Variants in SYT16 observed in about 807,000 individuals in gnomAD.
SYT16 encodes synaptotagmin-16.
Under a neutral mutation model 61.4 loss-of-function variants are expected in SYT16, and 42 were observed. The ratio of observed to expected loss-of-function variants is 0.68; its 90% confidence interval spans 0.53 to 0.89. The LOEUF (loss-of-function observed/expected upper bound fraction) is 0.89, where lower values mean the gene tolerates loss of function less well. Ranked by LOEUF, SYT16 falls within the 40% of genes least tolerant of loss-of-function variation. The pLI is 0.00. For synonymous variants in SYT16, 314 were observed against 302.3 expected, an observed-to-expected ratio of 1.04 and a Z score of -0.40; for missense variants, 804 against 807.3, an observed-to-expected ratio of 1.00 and a Z score of 0.05.
intron 3 of SYT16, among the ~76,000 whole-genome samples, chr14:62,031,904 A>G (rs1350341827): frequency 1.7e-4 from 26 of 152,148 alleles, no homozygotes; most frequent in Non-Finnish European, 1.5e-4. Context: ...GGGAGGGCCT[A>G]TACAGAGACG....
intron 1 of SYT16, among the ~76,000 whole-genome samples, chr14:61,936,946 C>T (rs1261989507): frequency 1.3e-5 from 2 of 152,220 alleles, no homozygotes; most frequent in Non-Finnish European, 2.9e-5. Flanking sequence ...GAAATCTGAA[C>T]AAATTGTTCT....
Position 62,107,369 on chromosome 14 carries a change from G to C in SYT16, c.*6662G>C, listed in dbSNP as rs975476051. ...GATTGCTTGAACCTGTGAGGTCAAG[G>C]CTGCAGTGAGCCGGGATCATGCCAC... On this transcript the variant is annotated 3_prime_UTR_variant, in exon 8 of 8. Coordinates refer to ENST00000683842, the MANE Select transcript of SYT16 (RefSeq NM_001367656.1). 1.3e-5 allele frequency: 2 copies of C among 152,124 alleles called. No individual in the cohort carries two copies. Among genetic ancestry groups the C allele is most frequent in the African/African-American group, 4.8e-5 (2 of 41,382 alleles). The allele number at this position is 152,124 out of a possible 1,614,324, so 9.4% of individuals were successfully genotyped here.
intron 3 of SYT16, among the ~76,000 whole-genome samples, chr14:62,061,597 A>G (rs2055827326): frequency 6.6e-6 from 1 of 152,206 alleles, no homozygotes; most frequent in Non-Finnish European, 1.5e-5. Flanking sequence ...TAGTGCAGTT[A>G]CATTAATATC....
intron 3 of SYT16, among the ~76,000 whole-genome samples, chr14:62,063,071 T>A (rs368265275): frequency 6.6e-6 from 1 of 152,216 alleles, no homozygotes; most frequent in South Asian, 2.1e-4. Context: ...CACTTCCCAC[T>A]TCCAGGCAGT....
intron 1 of SYT16, among the ~76,000 whole-genome samples, chr14:61,813,804 ATTTTT>A (rs570260110): frequency 1.2e-4 from 16 of 130,484 alleles, no homozygotes; most frequent in African/African-American, 3.6e-4. Context: ...TTTGGAAGGT[ATTTTT>A]TTTTTTTTTT....
intron 3 of SYT16, among the ~76,000 whole-genome samples, chr14:62,060,659 A>G (rs1199087466): frequency 1.3e-5 from 2 of 152,022 alleles, no homozygotes; most frequent in East Asian, 3.8e-4. Context: ...TTGCCTCTCT[A>G]GGGTAAACCT....
chr14:61,877,896 C>T (rs1204458544), intron 1 of SYT16, among the ~76,000 whole-genome samples: 1 of 152,154 alleles, frequency 6.6e-6, no homozygotes, highest in Non-Finnish European at 1.5e-5. Flanking sequence ...GTAGGTAGAA[C>T]CTTAATCCCT....
chr14:62,081,135 C>T lies in SYT16; in HGVS notation c.1295C>T (p.Ala432Val), dbSNP rs2056692468. 1.2e-6 allele frequency: 2 copies of T among 1,613,930 alleles called. No homozygotes were observed. Among genetic ancestry groups the T allele is most frequent in the Non-Finnish European group, 1.7e-6 (2 of 1,179,870 alleles). The change falls in exon 6 of 8, where the codon GCT (alanine) becomes GTT (valine). Residue 432 changes from alanine (A) to valine (V), a missense_variant. Coordinates refer to ENST00000683842, the MANE Select transcript of SYT16 (RefSeq NM_001367656.1). ...KLEPRDVAACAVRFRLYAARK... is the reference protein window; with the variant it reads ...KLEPRDVAACVVRFRLYAARK... Reference sequence around the variant, plus strand: ...GAGCCCAGAGATGTGGCTGCCTGTGCTGTCCGCTTCCGCCTGTACGCTGCC... The same window carrying T: ...GAGCCCAGAGATGTGGCTGCCTGTGTTGTCCGCTTCCGCCTGTACGCTGCC...
chr14:62,023,130 T>C (rs1234623711), intron 3 of SYT16, among the ~76,000 whole-genome samples: 1 of 152,114 alleles, frequency 6.6e-6, no homozygotes, highest in African/African-American at 2.4e-5. Context: ...GCATCAAAAA[T>C]TGTTGAGGCT....
chr14:61,963,787 G>C (rs1324742971), intron 1 of SYT16, among the ~76,000 whole-genome samples: 1 of 152,180 alleles, frequency 6.6e-6, no homozygotes, highest in Non-Finnish European at 1.5e-5. Context: ...ACTTCAAAGG[G>C]CGAGCTGGCC....
chr14:62,085,348 C>T (rs2140985891), intron 7 of SYT16, among the ~76,000 whole-genome samples: 1 of 152,276 alleles, frequency 6.6e-6, no homozygotes, highest in South Asian at 2.1e-4. Flanking sequence ...ATGCTAGCTG[C>T]AAGAGAGTCT....
In SYT16 at chr14:62,100,834, T is replaced by A; in HGVS notation, c.*127T>A. 1.1e-6 allele frequency: 1 copy of A among 936,536 alleles called. No individual in the cohort carries two copies. Among genetic ancestry groups the A allele is most frequent in the Non-Finnish European group, 1.6e-6 (1 of 642,766 alleles). The allele number at this position is 936,536 out of a possible 1,614,324, so 58.0% of individuals were successfully genotyped here. ...GATTCCACTAACCCCTAGGACATTGTGAGTGGGAGTTTTGGGTTTCTCAAT... is the reference window on the plus strand; with the variant it reads ...GATTCCACTAACCCCTAGGACATTGAGAGTGGGAGTTTTGGGTTTCTCAAT... On this transcript the variant is annotated 3_prime_UTR_variant, in exon 8 of 8. Coordinates refer to ENST00000683842, the MANE Select transcript of SYT16 (RefSeq NM_001367656.1).
At chr14:61,821,776 A>G (rs1177212447) in intron 1 of SYT16, among the ~76,000 whole-genome samples, 1 of 152,232 alleles carries the variant, frequency 6.6e-6, no homozygotes, top group Non-Finnish European at 1.5e-5. Flanking sequence ...TTAAACAAGG[A>G]TGTGAGTACT....
Position 62,084,266 on chromosome 14 carries a change from C to T in SYT16, c.1505C>T (p.Ser502Phe). The change falls in exon 7 of 8, where the codon TCT becomes TTT. Residue 502 changes from serine (S) to phenylalanine (F), a missense_variant. Ser to Phe is a radical substitution (Grantham distance 155). Coordinates refer to ENST00000683842, the MANE Select transcript of SYT16 (RefSeq NM_001367656.1). ...SDSTSSTQSL[S>F]HGGAPELLVG... is the part of the protein sequence containing the mutation. ...AGTACTTCATCCACGCAGTCGCTGT[C>T]TCATGGAGGGGCGCCAGAGCTGTTG... The T allele has an allele frequency of 6.2e-7, 1 of 1,613,974 alleles. No individual in the cohort carries two copies. Among genetic ancestry groups the T allele is most frequent in the Non-Finnish European group, 8.5e-7 (1 of 1,179,888 alleles).
At chr14:62,084,516 AG>A (rs1270412384) in intron 7 of SYT16, 131 bp downstream of exon 7, 2 of 981,090 alleles carry the variant, frequency 2.0e-6, no homozygotes, top group African/African-American at 3.4e-5. Context: ...GCTTTCACAA[AG>A]AGATACCTCT....
intron 5 of SYT16, among the ~76,000 whole-genome samples, chr14:62,079,759 C>T (rs1192658330): frequency 1.3e-5 from 2 of 152,166 alleles, no homozygotes; most frequent in African/African-American, 4.8e-5. Flanking sequence ...TTATTATTGA[C>T]ATTATTTATA....
chr14:61,859,177 A>G (rs956180787), intron 1 of SYT16, among the ~76,000 whole-genome samples: 3 of 152,032 alleles, frequency 2.0e-5, no homozygotes, highest in Non-Finnish European at 4.4e-5. Flanking sequence ...ATCATTTTCT[A>G]ACAAAGAGCA....
Position 61,894,036 on chromosome 14 carries a change from C to T in SYT16, c.-324-76096C>T, listed in dbSNP as rs1311632024. ...TGGTGGCTCATGCCTGTAATCCCAG[C>T]ACTTTGGGAGGCCAAGGCGGGCAGA... is the stretch of plus-strand genomic sequence containing the variant. On this transcript the variant is annotated intron_variant, in intron 1 of 7. Transcript: ENST00000683842. Among the ~76,000 whole-genome samples the T allele has an allele frequency of 2.6e-5, 4 of 152,334 alleles. No individual in the cohort carries two copies. The East Asian group carries it at 7.7e-4, about 29-fold the overall frequency.
At chr14:61,927,420 T>C (rs1422130672) in intron 1 of SYT16, among the ~76,000 whole-genome samples, 1 of 152,202 alleles carries the variant, frequency 6.6e-6, no homozygotes, top group Admixed American at 6.5e-5. Flanking sequence ...AACCAAAATA[T>C]TTATGGCCAG....
Sources: allele counts gnomAD v4.1 joint callset (sites outside exome capture counted in the v4.1 genomes callset), GRCh38; gene constraint gnomAD v4.1.1; transcripts MANE v1.5; gene names NCBI Gene and HGNC (gene_info 2026-07-23, HGNC 2026-07-21).